Variants in TAFA2 observed in about 807,000 individuals in gnomAD.
TAFA2 encodes chemokine-like protein TAFA-2.
Under a neutral mutation model 18.8 loss-of-function variants are expected in TAFA2, and 7 were observed. The observed-to-expected ratio is 0.37, with a 90% CI of 0.21 to 0.70. TAFA2 has a LOEUF of 0.70. Ranked by LOEUF, TAFA2 falls within the 30% of genes least tolerant of loss-of-function variation. The probability of loss-of-function intolerance (pLI) is 0.53; values close to 1 mark genes in which losing one functional copy is unlikely to be tolerated. For synonymous variants in TAFA2, 60 were observed against 54.2 expected (o/e 1.11, Z -0.47); for missense variants, 122 against 158.1 (o/e 0.77, Z 1.23).
intron 2 of TAFA2, among the ~76,000 whole-genome samples, chr12:61,852,147 G>C (rs185148314): frequency 2.6e-5 from 4 of 151,244 alleles, no homozygotes; most frequent in African/African-American, 9.7e-5. Context: ...CAGAGGTTGC[G>C]GTGAGCTGAG....
chr12:61,852,152 G>A (rs1873699286), intron 2 of TAFA2, among the ~76,000 whole-genome samples: 1 of 150,768 alleles, frequency 6.6e-6, no homozygotes, highest in Non-Finnish European at 1.5e-5. Flanking sequence ...GTTGCGGTGA[G>A]CTGAGGTCGT....
At chr12:61,949,121 C>T (rs1184840068) in intron 1 of TAFA2, among the ~76,000 whole-genome samples, 1 of 152,084 alleles carries the variant, frequency 6.6e-6, no homozygotes, top group African/African-American at 2.4e-5. Context: ...CCATAGACTC[C>T]GTAAAGCAGA....
chr12:61,997,210 C>T (rs1305946752), intron 1 of TAFA2, among the ~76,000 whole-genome samples: 2 of 114,610 alleles, frequency 1.7e-5, no homozygotes, highest in African/African-American at 3.0e-5. Flanking sequence ...TATATATAAC[C>T]CATTAAGTGG....
At chr12:61,933,296 T>C (rs17125536) in intron 1 of TAFA2, among the ~76,000 whole-genome samples, 9 of 152,318 alleles carry the variant, frequency 5.9e-5, no homozygotes, top group South Asian at 2.1e-4. Flanking sequence ...TTAACAGCTA[T>C]GAGATATAGT....
intron 1 of TAFA2, among the ~76,000 whole-genome samples, chr12:62,084,163 T>C (rs1370407173): frequency 6.6e-6 from 1 of 152,202 alleles, no homozygotes; most frequent in Non-Finnish European, 1.5e-5. Flanking sequence ...TTCCAACATT[T>C]CCCCTCACTA....
chr12:62,041,135 A>G (rs1881746423), intron 1 of TAFA2, among the ~76,000 whole-genome samples: 1 of 152,184 alleles, frequency 6.6e-6, no homozygotes, highest in Non-Finnish European at 1.5e-5. Flanking sequence ...ACTAATCTTT[A>G]TGTGAAATTA....
At chr12:61,729,240 T>C (rs1186834038) in intron 4 of TAFA2, among the ~76,000 whole-genome samples, 2 of 152,166 alleles carry the variant, frequency 1.3e-5, no homozygotes, top group Non-Finnish European at 2.9e-5. Context: ...TTTCCCACTT[T>C]TTTTCTGAGG....
At chr12:61,889,346 C>T (rs1592463241) in intron 1 of TAFA2, among the ~76,000 whole-genome samples, 1 of 152,156 alleles carries the variant, frequency 6.6e-6, no homozygotes. Context: ...TAACACCTCT[C>T]TTAGAATCTG....
chr12:62,105,682 A>T (rs1053068183), intron 1 of TAFA2, among the ~76,000 whole-genome samples: 3 of 152,192 alleles, frequency 2.0e-5, no homozygotes, highest in Non-Finnish European at 2.9e-5. Flanking sequence ...CGTAGTTCAA[A>T]CTATTTAATG....
At chr12:61,907,725 T>C (rs988204830) in intron 1 of TAFA2, among the ~76,000 whole-genome samples, 2 of 152,060 alleles carry the variant, frequency 1.3e-5, no homozygotes, top group East Asian at 1.9e-4. Context: ...CTGCAGACAC[T>C]CAACACCTAT....
At chr12:62,018,011 T>C in intron 1 of TAFA2, among the ~76,000 whole-genome samples, 1 of 152,192 alleles carries the variant, frequency 6.6e-6, no homozygotes, top group East Asian at 1.9e-4. Context: ...TGGAGAAATC[T>C]TCCCAGAACA....
chr12:62,143,582 A>G (rs1017764475), intron 1 of TAFA2, among the ~76,000 whole-genome samples: 11 of 152,088 alleles, frequency 7.2e-5, no homozygotes, highest in South Asian at 4.3e-4. Flanking sequence ...CATGTGATCT[A>G]TGTGAAGGTA....
intron 1 of TAFA2, among the ~76,000 whole-genome samples, chr12:62,007,854 C>G (rs1880609255): frequency 6.6e-6 from 1 of 152,280 alleles, no homozygotes; most frequent in Non-Finnish European, 1.5e-5. Flanking sequence ...TCAAAATTCT[C>G]TCTTCTAGTT....
chr12:62,058,643 C>T (rs983781048), intron 1 of TAFA2, among the ~76,000 whole-genome samples: 5 of 151,956 alleles, frequency 3.3e-5, no homozygotes, highest in African/African-American at 1.2e-4. Context: ...TTCTGTGTCC[C>T]TTTCATGCAT....
chr12:61,802,223 G>T (rs7966880), intron 2 of TAFA2, among the ~76,000 whole-genome samples: 16,367 of 151,918 alleles, frequency 0.11, 1,109 homozygotes, highest in East Asian at 0.19. Flanking sequence ...ACTGAAAATA[G>T]AGCTACCATA....
chr12:61,875,471 G>C (rs1338106030), intron 1 of TAFA2, among the ~76,000 whole-genome samples: 1 of 151,968 alleles, frequency 6.6e-6, no homozygotes, highest in Non-Finnish European at 1.5e-5. Context: ...ATGACCAAAA[G>C]TGAGATTTCA....
chr12:62,212,684 C>T lies in TAFA2; in HGVS notation c.-130+46079G>A, dbSNP rs74880094. Among the ~76,000 whole-genome samples, 27 of 151,980 alleles carry T rather than the reference C, an allele frequency of 1.8e-4. No homozygotes were observed. The East Asian group carries it at 4.1e-3, about 23-fold the overall frequency. ...TAGTTGAGATTCTCATATGCTCTGC[C>T]GAAAAAAGGTACTAATAAAAGCGAA... On this transcript the variant is annotated intron_variant, in intron 1 of 5. Transcript: ENST00000551619.
chr12:61,775,109 T>A (rs1376264644), intron 2 of TAFA2, among the ~76,000 whole-genome samples: 1 of 151,758 alleles, frequency 6.6e-6, no homozygotes, highest in Non-Finnish European at 1.5e-5. Flanking sequence ...CAAACTGAAA[T>A]GAGATATCAC....
chr12:62,189,029 C>T (rs1592391743), intron 1 of TAFA2, among the ~76,000 whole-genome samples: 1 of 152,248 alleles, frequency 6.6e-6, no homozygotes, highest in South Asian at 2.1e-4. Context: ...CTTAATTCCC[C>T]TTTAGCAGAA....
Sources: allele counts gnomAD v4.1 joint callset (sites outside exome capture counted in the v4.1 genomes callset), GRCh38; gene constraint gnomAD v4.1.1; transcripts MANE v1.5; gene names NCBI Gene and HGNC (gene_info 2026-07-23, HGNC 2026-07-21).